The following RALGAPA2 variants were observed in gnomAD, a reference collection of about 807,000 sequenced individuals.
RALGAPA2 encodes the protein ral GTPase-activating protein subunit alpha-2.
A neutral mutation model predicts 230.4 loss-of-function variants in RALGAPA2; 139 were observed. The observed-to-expected ratio is 0.60, with a 90% CI of 0.53 to 0.69. The LOEUF (loss-of-function observed/expected upper bound fraction) is 0.69. Among genes scored for constraint, RALGAPA2 ranks in the 30% least tolerant of loss-of-function variants. The pLI, the probability that RALGAPA2 is intolerant of heterozygous loss-of-function variation, is 0.00. For synonymous variants in RALGAPA2, 847 were observed against 837.8 expected, an observed-to-expected ratio of 1.01 and a Z score of -0.19; for missense variants, 2,163 against 2,276.0, an observed-to-expected ratio of 0.95 and a Z score of 1.01.
rs577215110 is a variant in RALGAPA2, at chr20:20,426,458, C to T, written c.5496-14310G>A. ...AATAATGAGTCTTGATGAAGGTCTA[C>T]GTGTTTGAGTGGGGTAGTGAAGCCA... On this transcript the variant is annotated intron_variant, in intron 37 of 39. Coordinates refer to ENST00000202677, the MANE Select transcript of RALGAPA2 (RefSeq NM_020343.4). Among the ~76,000 whole-genome samples the T allele has an allele frequency of 3.9e-5, 6 of 152,280 alleles. No individual in the cohort carries two copies. The South Asian group carries it at 1.0e-3, about 26-fold the overall frequency.
At chr20:20,636,327 T>A (rs911279193) in intron 8 of RALGAPA2, among the ~76,000 whole-genome samples, 1 of 152,208 alleles carries the variant, frequency 6.6e-6, no homozygotes, top group Non-Finnish European at 1.5e-5. Context: ...AATACCTGTA[T>A]GAGGCAGAAA....
rs2062693497 is a variant in RALGAPA2 at position 20,511,147 on chromosome 20, T to C, written c.4928+107A>G. 2.0e-6 allele frequency: 3 copies of C among 1,495,146 alleles called. No individual in the cohort carries two copies. The African/African-American group carries it at 4.3e-5, about 21-fold the overall frequency. The allele number at this position is 1,495,146 out of a possible 1,614,324, so 92.6% of individuals were successfully genotyped here. ...GTCACCAGATGCTAGGTTACAGAAC[T>C]ACCCTTGGATGTCTCAGTAAGTCTA... On this transcript the variant is annotated intron_variant, in intron 33 of 39. Coordinates refer to ENST00000202677, the MANE Select transcript of RALGAPA2 (RefSeq NM_020343.4).
intron 37 of RALGAPA2, among the ~76,000 whole-genome samples, chr20:20,427,274 C>T (rs774616577): frequency 1.3e-5 from 2 of 152,198 alleles, no homozygotes; most frequent in Non-Finnish European, 2.9e-5. Flanking sequence ...TTTTCTCCTG[C>T]AAATTAAACT....
intron 10 of RALGAPA2, among the ~76,000 whole-genome samples, chr20:20,626,983 A>C (rs935070170): frequency 2.0e-5 from 3 of 152,216 alleles, no homozygotes; most frequent in Non-Finnish European, 2.9e-5. Flanking sequence ...TGACTATTTC[A>C]AATCAATAGT....
At chr20:20,581,439 C>T (rs1465347389) in intron 20 of RALGAPA2, among the ~76,000 whole-genome samples, 1 of 152,076 alleles carries the variant, frequency 6.6e-6, no homozygotes, top group Non-Finnish European at 1.5e-5. Context: ...TTAATTTTAA[C>T]AGGAACACAG....
chr20:20,418,156 TAAG>T (rs1054123145), intron 37 of RALGAPA2, among the ~76,000 whole-genome samples: 4 of 152,118 alleles, frequency 2.6e-5, no homozygotes, highest in Admixed American at 2.0e-4. Context: ...TGCCAGAATA[TAAG>T]AAGAACGCCG....
At chr20:20,428,329 A>G (rs1487238893) in intron 37 of RALGAPA2, among the ~76,000 whole-genome samples, 3 of 152,226 alleles carry the variant, frequency 2.0e-5, no homozygotes, top group African/African-American at 7.2e-5. Flanking sequence ...CTTCGTGACT[A>G]AAAATATAAC....
chr20:20,524,439 C>G lies in RALGAPA2; in HGVS notation c.3867G>C (p.Ser1289=), dbSNP rs759254487. 1.2e-6 allele frequency: 2 copies of G among 1,613,798 alleles called. No homozygotes were observed. The highest frequency in any genetic ancestry group is 2.2e-5 in the South Asian group (2 of 91,062). ...VSTAVLEEQH[S]ARAPLLDYIY... ...TATAATCCAGCAAGGGGGCTCTGGC[C>G]GAATGCTGCTCCTCTAGGACTGCTG... Residue 1289 remains serine, a synonymous_variant, in exon 30 of 40, where the codon TCG becomes TCC. Coordinates refer to ENST00000202677, the MANE Select transcript of RALGAPA2 (RefSeq NM_020343.4).
At chr20:20,638,063 G>A (rs2066916586) in intron 7 of RALGAPA2, among the ~76,000 whole-genome samples, 1 of 152,212 alleles carries the variant, frequency 6.6e-6, no homozygotes, top group African/African-American at 2.4e-5. Context: ...TATGGATTAA[G>A]TTTAAATGTT....
At chr20:20,656,549 T>C (rs2067594795) in intron 3 of RALGAPA2, among the ~76,000 whole-genome samples, 2 of 152,110 alleles carry the variant, frequency 1.3e-5, no homozygotes, top group Admixed American at 1.3e-4. Flanking sequence ...AAATAAGTCT[T>C]CCCCTTGCAA....
chr20:20,640,731 G>A lies in RALGAPA2; in HGVS notation c.520C>T (p.Leu174Phe). 1.2e-6 allele frequency: 2 copies of A among 1,613,906 alleles called. No homozygotes were observed. Among genetic ancestry groups the A allele is most frequent in the South Asian group, 1.1e-5 (1 of 91,074 alleles). The change falls in exon 6 of 40, where the codon CTC becomes TTC. Residue 174 changes from leucine (L) to phenylalanine (F), a missense_variant. Leu to Phe is a conservative substitution (Grantham distance 22, BLOSUM62 0). Coordinates refer to ENST00000202677, the MANE Select transcript of RALGAPA2 (RefSeq NM_020343.4). ...GCTACACTAGGGCTGGGATTGATGA[G>A]TGTCTCCAGTGTGCAAGGGCCCCTG... ...SSRGPCTLET[L>F]INPSPSVADV...
intron 27 of RALGAPA2, 126 bp from the exon 28 acceptor site, chr20:20,526,488 T>C: frequency 1.6e-6 from 1 of 615,796 alleles, no homozygotes; most frequent in Non-Finnish European, 2.8e-6. Context: ...CTCAAATTGA[T>C]GAAAAATATG....
rs368946597 is a variant in RALGAPA2, at chr20:20,544,502, A to C, written c.3285+2202T>G. Among the ~76,000 whole-genome samples, 34 of 152,236 alleles carry C rather than the reference A, an allele frequency of 2.2e-4. No homozygotes were observed. The East Asian group carries it at 6.0e-3, about 27-fold the overall frequency. On this transcript the variant is annotated intron_variant, in intron 24 of 39. Transcript: ENST00000202677. ...AACTAGAAATACCATTTGACCCAGC[A>C]ATCCCATTCATTACTGGGAATATAC...
chr20:20,449,660 C>A (rs554730116), intron 37 of RALGAPA2, among the ~76,000 whole-genome samples: 7 of 151,628 alleles, frequency 4.6e-5, no homozygotes, highest in Non-Finnish European at 1.0e-4. Flanking sequence ...TTTTTTCCCC[C>A]GGACCTAATT....
At chr20:20,479,343 C>G (rs1018294959) in intron 36 of RALGAPA2, among the ~76,000 whole-genome samples, 4 of 152,092 alleles carry the variant, frequency 2.6e-5, no homozygotes, top group Non-Finnish European at 5.9e-5. Flanking sequence ...AATCTTAATA[C>G]CAAAATGAGG....
chr20:20,451,650 G>A (rs890014759), intron 37 of RALGAPA2, among the ~76,000 whole-genome samples: 4 of 152,192 alleles, frequency 2.6e-5, no homozygotes, highest in Admixed American at 2.6e-4. Context: ...AGGCCTGATT[G>A]TGTAAATGCA....
intron 27 of RALGAPA2, 92 bp downstream of exon 27, chr20:20,531,595 G>T: frequency 9.4e-7 from 1 of 1,063,482 alleles, no homozygotes. Context: ...CTGTCATTTG[G>T]GGGATAAAAA....
At chr20:20,699,951 C>T (rs1405816675) in intron 1 of RALGAPA2, among the ~76,000 whole-genome samples, 2 of 152,128 alleles carry the variant, frequency 1.3e-5, no homozygotes, top group Non-Finnish European at 2.9e-5. Flanking sequence ...AATTCCATTA[C>T]TGGGTATATA....
intron 1 of RALGAPA2, among the ~76,000 whole-genome samples, chr20:20,699,624 AC>A (rs2146972712): frequency 6.6e-6 from 1 of 152,298 alleles, no homozygotes; most frequent in South Asian, 2.1e-4. Context: ...TTTCCAAATA[AC>A]CCCATTTAAA....
Sources: allele counts gnomAD v4.1 joint callset (sites outside exome capture counted in the v4.1 genomes callset), GRCh38; gene constraint gnomAD v4.1.1; transcripts MANE v1.5; gene names NCBI Gene and HGNC (gene_info 2026-07-23, HGNC 2026-07-21).